HELB: variants seen among roughly 807,000 people sequenced by gnomAD.
The protein encoded by HELB is DNA helicase B.
In HELB, 96 loss-of-function variants were observed where a neutral mutation model predicts 101.7. That is an observed-to-expected ratio of 0.94 (90% confidence interval 0.80 to 1.12). HELB has a LOEUF of 1.12. Among genes scored for constraint, HELB ranks in the 50% most tolerant of loss-of-function variants. HELB has a pLI of 0.00. For synonymous variants in HELB, 437 were observed against 459.7 expected (o/e 0.95, Z 0.63); for missense variants, 1,210 against 1,291.9 (o/e 0.94, Z 0.97).
intron 11 of HELB, among the ~76,000 whole-genome samples, chr12:66,327,371 A>C (rs936005365): frequency 1.3e-5 from 2 of 152,080 alleles, no homozygotes; most frequent in Non-Finnish European, 2.9e-5. Context: ...TAGAATTCCT[A>C]ATATGTGCAT....
At chr12:66,323,937 G>A (rs757139389) in intron 9 of HELB, 46 bp from the exon 10 acceptor site, 2 of 1,297,544 alleles carry the variant, frequency 1.5e-6, no homozygotes, top group African/African-American at 1.5e-5. Flanking sequence ...CAAGTGAAAC[G>A]GAGACTTTCC....
intron 12 of HELB, among the ~76,000 whole-genome samples, chr12:66,333,222 T>C (rs2053828715): frequency 6.6e-6 from 1 of 152,020 alleles, no homozygotes; most frequent in Non-Finnish European, 1.5e-5. Context: ...GGCAAGGACA[T>C]AGGGAATGGC....
intron 12 of HELB, among the ~76,000 whole-genome samples, chr12:66,337,620 A>T (rs2053880582): frequency 7.8e-6 from 1 of 127,834 alleles, no homozygotes; most frequent in African/African-American, 3.5e-5. Context: ...GCCCACACTT[A>T]AAAAAAAAAA....
intron 2 of HELB, 107 bp downstream of exon 2, chr12:66,305,257 G>A: frequency 2.7e-6 from 2 of 732,938 alleles, no homozygotes; most frequent in South Asian, 4.0e-5. Flanking sequence ...AATCCATTTG[G>A]TGAAAAATGT....
At chr12:66,331,903 C>T (rs1448966361) in intron 12 of HELB, among the ~76,000 whole-genome samples, 1 of 152,140 alleles carries the variant, frequency 6.6e-6, no homozygotes, top group Non-Finnish European at 1.5e-5. Flanking sequence ...AGAACTGACT[C>T]ATTCTCACAG....
chr12:66,327,185 C>T (rs1208591150), intron 11 of HELB, among the ~76,000 whole-genome samples: 3 of 150,358 alleles, frequency 2.0e-5, no homozygotes, highest in Admixed American at 1.3e-4. Context: ...TTGCTAATGT[C>T]GATTGCAGAT....
At chr12:66,316,391 A>G (rs545754021) in intron 6 of HELB, among the ~76,000 whole-genome samples, 2 of 152,152 alleles carry the variant, frequency 1.3e-5, no homozygotes, top group African/African-American at 2.4e-5. Context: ...ACCAAAATGT[A>G]TATCTGGTTT....
chr12:66,311,158 A>AG (rs34774644), intron 4 of HELB, among the ~76,000 whole-genome samples: 1 of 28,720 alleles, frequency 3.5e-5, no homozygotes, highest in Non-Finnish European at 2.2e-4. Context: ...AGTCTTATGG[A>AG]AAAAAAAAAA....
intron 10 of HELB, 97 bp from the exon 11 acceptor site, chr12:66,324,886 T>C (rs1321357385): frequency 6.9e-7 from 1 of 1,450,112 alleles, no homozygotes; most frequent in South Asian, 1.2e-5. Flanking sequence ...GTAATTCTTA[T>C]ATTTTATGTT....
intron 1 of HELB, among the ~76,000 whole-genome samples, chr12:66,303,348 C>A (rs2053432036): frequency 6.6e-6 from 1 of 152,062 alleles, no homozygotes; most frequent in Admixed American, 6.6e-5. Flanking sequence ...ACAAAACAGT[C>A]CGGGCGCGGT....
intron 12 of HELB, among the ~76,000 whole-genome samples, chr12:66,333,783 C>T (rs975152873): frequency 5.3e-5 from 8 of 152,058 alleles, no homozygotes; most frequent in Non-Finnish European, 8.8e-5. Flanking sequence ...GGCAGGGCCA[C>T]GGGAATGAGT....
intron 5 of HELB, 55 bp from the exon 6 acceptor site, chr12:66,315,187 T>C (rs1373052024): frequency 1.5e-6 from 2 of 1,318,496 alleles, no homozygotes; most frequent in African/African-American, 1.5e-5. Flanking sequence ...TTAAACAATC[T>C]TGGGGGTATT....
chr12:66,310,847 T>C (rs1376664249), intron 4 of HELB, among the ~76,000 whole-genome samples: 1 of 152,072 alleles, frequency 6.6e-6, no homozygotes, highest in African/African-American at 2.4e-5. Context: ...AGGAGAATCA[T>C]TTGAACCCAG....
chr12:66,304,951 C>T lies in HELB; in HGVS notation c.408C>T (p.Val136=), dbSNP rs571392059. The T allele has an allele frequency of 1.2e-6, 2 of 1,613,892 alleles. No homozygotes were observed. Among genetic ancestry groups the T allele is most frequent in the Admixed American group, 3.3e-5 (2 of 60,018 alleles). ...CTCTCTTTCTTAAAGAGTGTGAGGTCTCCAGTGATGATGTTAATAAATTTT... is the reference window on the plus strand; with the variant it reads ...CTCTCTTTCTTAAAGAGTGTGAGGTTTCCAGTGATGATGTTAATAAATTTT... ...ICALFLKECE[V]SSDDVNKFLT... Residue 136 remains valine (V), a synonymous_variant, in exon 2 of 13, where the codon GTC becomes GTT. Coordinates refer to ENST00000247815, the MANE Select transcript of HELB (RefSeq NM_001370285.1).
intron 1 of HELB, among the ~76,000 whole-genome samples, chr12:66,304,417 T>C (rs1291936014): frequency 3.3e-5 from 5 of 152,210 alleles, no homozygotes; most frequent in Admixed American, 2.6e-4. Context: ...AAGGCCAGTA[T>C]TGGCTGAAGT....
chr12:66,313,536 G>A (rs1368411965), intron 4 of HELB, among the ~76,000 whole-genome samples: 1 of 152,056 alleles, frequency 6.6e-6, no homozygotes, highest in East Asian at 1.9e-4. Context: ...TGTTGTTGGG[G>A]GTGGTGCGGT....
chr12:66,304,858 A>G lies in HELB; in HGVS notation c.315A>G (p.Gln105=), dbSNP rs769824781. ...PVVGSRSYQY[Q]VQGFPSYFLQ... ...TGGGATCAAGGAGCTATCAATATCA[A>G]GTTCAAGGATTTCCGTCTTACTTTT... Residue 105 remains glutamine (Q), a synonymous_variant, in exon 2 of 13, where the codon CAA becomes CAG. Transcript: ENST00000247815. The G allele has an allele frequency of 6.2e-7, 1 of 1,614,170 alleles. No individual in the cohort carries two copies. Among genetic ancestry groups the G allele is most frequent in the Non-Finnish European group, 8.5e-7 (1 of 1,180,024 alleles).
Position 66,322,031 on chromosome 12 carries a change from TA to T in HELB, c.2237+5del. 9.7e-7 allele frequency: 1 copy of T among 1,035,120 alleles called. No homozygotes were observed. Among genetic ancestry groups the T allele is most frequent in the Non-Finnish European group, 1.4e-6 (1 of 693,096 alleles). 64.1% of individuals were successfully genotyped at this position (1,035,120 alleles called of 1,614,324 possible). On this transcript the variant is annotated splice_donor_region_variant and intron_variant, in intron 8 of 12. Coordinates refer to ENST00000247815, the MANE Select transcript of HELB (RefSeq NM_001370285.1). ...ATCACAATTTATTGCATTTAGAAGG[TA>T]AAGCATTTATAATATTTTAATGTTT...
In HELB at chr12:66,337,433, G is replaced by A. The variant is rs115155808; in HGVS notation, c.3163-568G>A. ...AAAGAAAGACCCTTTTCCTAAAATTGAATTGTGCTTACTCTTTTCATTTCT... is the reference window on the plus strand; with the variant it reads ...AAAGAAAGACCCTTTTCCTAAAATTAAATTGTGCTTACTCTTTTCATTTCT... On this transcript the variant is annotated intron_variant, in intron 12 of 12. Coordinates refer to ENST00000247815, the MANE Select transcript of HELB (RefSeq NM_001370285.1). Among the ~76,000 whole-genome samples the A allele has an allele frequency of 1.1e-3, 172 of 152,242 alleles. 1 individual carries two copies. Among genetic ancestry groups the A allele is most frequent in the African/African-American group, 4.0e-3 (166 of 41,534 alleles).
Sources: gnomAD v4.1 joint callset for allele counts (sites outside exome capture counted in the v4.1 genomes callset) on GRCh38, gnomAD v4.1.1 for gene constraint, MANE v1.5 for transcripts, NCBI Gene and HGNC (gene_info 2026-07-23, HGNC 2026-07-21) for gene names.